DYNC1LI2: variants seen among roughly 807,000 people sequenced by gnomAD.
The protein encoded by DYNC1LI2 is cytoplasmic dynein 1 light intermediate chain 2.
A neutral mutation model predicts 57.8 loss-of-function variants in DYNC1LI2; 19 were observed. The observed-to-expected ratio is 0.33, with a 90% confidence interval of 0.23 to 0.48. The LOEUF (loss-of-function observed/expected upper bound fraction) is 0.48, where lower values mean the gene tolerates loss of function less well. Among genes scored for constraint, DYNC1LI2 ranks in the 20% least tolerant of loss-of-function variants. The probability of loss-of-function intolerance (pLI) is 0.99; values close to 1 mark genes in which losing one functional copy is unlikely to be tolerated. For synonymous variants in DYNC1LI2, 256 were observed against 233.4 expected (o/e 1.10, Z -0.88); for missense variants, 470 against 604.2 (o/e 0.78, Z 2.33).
intron 12 of DYNC1LI2, among the ~76,000 whole-genome samples, chr16:66,725,169 C>T (rs1229015167): frequency 7.9e-6 from 1 of 126,594 alleles, no homozygotes; most frequent in Non-Finnish European, 1.6e-5. Context: ...AGCAAGACTC[C>T]ATCTCTATCA....
chr16:66,749,423 T>A, intron 2 of DYNC1LI2, 110 bp from the exon 3 acceptor site: 1 of 1,080,304 alleles, frequency 9.3e-7, no homozygotes, highest in Non-Finnish European at 1.4e-6. Context: ...CAAAGTCTGC[T>A]GTTGAAGTCT....
intron 12 of DYNC1LI2, chr16:66,724,578 C>T (rs1369158615): frequency 6.6e-6 from 1 of 152,240 alleles, no homozygotes; most frequent in Non-Finnish European, 1.5e-5. Flanking sequence ...AAATGTCCTC[C>T]AGCTTCTTGG....
At position 66,730,120 on chromosome 16, in the gene DYNC1LI2, C is replaced by G. The variant is rs375885888; in HGVS notation, c.1033G>C (p.Val345Leu). 2.7e-5 allele frequency: 43 copies of G among 1,613,248 alleles called. No homozygotes were observed. The highest frequency in any genetic ancestry group is 7.6e-6 in the Non-Finnish European group (9 of 1,179,742). Residue 345 changes from valine (V) to leucine (L), a missense_variant, in exon 8 of 13, where the codon GTG (valine) becomes CTG (leucine). By Grantham distance (32) the Val-to-Leu change is conservative. Coordinates refer to ENST00000258198, the MANE Select transcript of DYNC1LI2 (RefSeq NM_006141.3). ...AYEDFIVKPP[V>L]RKLVHDKELA... ...CAATTGTCTTTGACTACCTTTCTCACGGGAGGTTTCACAATAAAGTCTTCA... is the reference window on the plus strand; with the variant it reads ...CAATTGTCTTTGACTACCTTTCTCAGGGGAGGTTTCACAATAAAGTCTTCA...
chr16:66,729,698 T>C (rs373517865), intron 8 of DYNC1LI2, among the ~76,000 whole-genome samples: 1 of 148,446 alleles, frequency 6.7e-6, no homozygotes, highest in African/African-American at 2.5e-5. Context: ...TGCCTCAGCC[T>C]CCCAACTGCT....
chr16:66,729,777 C>T (rs2017602638), intron 8 of DYNC1LI2, among the ~76,000 whole-genome samples: 1 of 151,334 alleles, frequency 6.6e-6, no homozygotes, highest in Non-Finnish European at 1.5e-5. Flanking sequence ...AACACCTAAA[C>T]CCTTTTTCTT....
chr16:66,751,568 C>T lies in DYNC1LI2; in HGVS notation c.24G>A (p.Lys8=), dbSNP rs1349292577. 8.8e-6 allele frequency: 14 copies of T among 1,581,948 alleles called. No individual in the cohort carries two copies. The highest frequency in any genetic ancestry group is 1.8e-5 in the Admixed American group (1 of 56,972). The change falls in exon 1 of 13, where the codon AAG becomes AAA. Residue 8 remains lysine (K), a synonymous_variant. Coordinates refer to ENST00000258198, the MANE Select transcript of DYNC1LI2 (RefSeq NM_006141.3). This position sits in a 1 kb window ranked among gnomAD's most constrained non-coding sequence, Gnocchi z 5.2. ...GCCCGTTGGGACCTAGCAGCAGCTT[C>T]TTCTCCACCCCCACCGGCGCCATCT... is the stretch of plus-strand genomic sequence containing the variant. MAPVGVE[K]KLLLGPNGPA...
Position 66,740,268 on chromosome 16 carries a change from A to G in DYNC1LI2, c.529+2170T>C, listed in dbSNP as rs1039347121. ...GGCCATGGAGCAGCTTTCCAAAATC[A>G]TAAGAATGGAGACTGGTGTTGGACT... On this transcript the variant is annotated intron_variant, in intron 4 of 12. Transcript: ENST00000258198. Among the ~76,000 whole-genome samples, 4 of 152,170 alleles carry G rather than the reference A, an allele frequency of 2.6e-5. 1 individual carries two copies. Among genetic ancestry groups the G allele is most frequent in the East Asian group, 3.8e-4 (2 of 5,196 alleles).
chr16:66,751,253 G>C lies in DYNC1LI2; in HGVS notation c.181+20C>G. ...GCCCACCCCAGCGACCTGGGGCAACGCCCCGCCGCCGGCGCTCACCGAAGA... is the reference window on the plus strand; with the variant it reads ...GCCCACCCCAGCGACCTGGGGCAACCCCCCGCCGCCGGCGCTCACCGAAGA... On this transcript the variant is annotated intron_variant, in intron 2 of 12. Coordinates refer to ENST00000258198, the MANE Select transcript of DYNC1LI2 (RefSeq NM_006141.3). This position sits in a 1 kb window ranked among gnomAD's most constrained non-coding sequence, Gnocchi z 5.2. 1 of 1,608,414 alleles carries C rather than the reference G, an allele frequency of 6.2e-7. No homozygotes were observed. The highest frequency in any genetic ancestry group is 8.5e-7 in the Non-Finnish European group (1 of 1,177,866).
chr16:66,741,676 G>GGCT (rs1473515220), intron 4 of DYNC1LI2, among the ~76,000 whole-genome samples: 1 of 151,952 alleles, frequency 6.6e-6, no homozygotes, highest in East Asian at 1.9e-4. Context: ...CGGCCAGGAC[G>GGCT]GCTGCTGCTG....
At position 66,734,330 on chromosome 16, in the gene DYNC1LI2, G is replaced by T. The variant is rs766573678; in HGVS notation, c.700-19C>A. On this transcript the variant is annotated intron_variant, in intron 5 of 12. Coordinates refer to ENST00000258198, the MANE Select transcript of DYNC1LI2 (RefSeq NM_006141.3). ...CATCACACTGCAGGGAAGACAGACA[G>T]AGTCACCTTTTTGCTTCATTGCCTG... 9.3e-6 allele frequency: 15 copies of T among 1,612,898 alleles called. 1 individual carries two copies. The highest frequency in any genetic ancestry group is 6.7e-5 in the East Asian group (3 of 44,884).
rs1036423176 is a variant in DYNC1LI2 at position 66,742,811 on chromosome 16, A to G, written c.299-143T>C. The G allele has an allele frequency of 5.9e-6, 5 of 847,828 alleles. No individual in the cohort carries two copies. In the Admixed American group the frequency reaches 1.3e-4, roughly 22 times the overall value. 52.5% of individuals were successfully genotyped at this position (847,828 alleles called of 1,614,324 possible). On this transcript the variant is annotated intron_variant, in intron 3 of 12. Transcript: ENST00000258198. ...CAAAATTTGGAAATCCAAACCAAAAAGTGCCCAAGTGCTCAGGAGACAGCA... is the reference window on the plus strand; with the variant it reads ...CAAAATTTGGAAATCCAAACCAAAAGGTGCCCAAGTGCTCAGGAGACAGCA...
chr16:66,739,801 A>C (rs1228191296), intron 4 of DYNC1LI2, among the ~76,000 whole-genome samples: 1 of 152,266 alleles, frequency 6.6e-6, no homozygotes, highest in African/African-American at 2.4e-5. Context: ...CAGTATTAAA[A>C]AGAGGAAGGA....
rs1452704089 is a variant in DYNC1LI2 at position 66,723,655 on chromosome 16, T to C, written c.*67A>G. 7.0e-7 allele frequency: 1 copy of C among 1,422,918 alleles called. No individual in the cohort carries two copies. Among genetic ancestry groups the C allele is most frequent in the Non-Finnish European group, 9.6e-7 (1 of 1,045,632 alleles). 88.1% of individuals were successfully genotyped at this position (1,422,918 alleles called of 1,614,324 possible). On this transcript the variant is annotated 3_prime_UTR_variant, in exon 13 of 13. Transcript: ENST00000258198. ...GATAGCATGTGCCATATCAGAAAAA[T>C]CCTGGTCTTAGCAGATCAATATACA... is the stretch of plus-strand genomic sequence containing the variant.
At position 66,751,018 on chromosome 16, in the gene DYNC1LI2, A is replaced by T. The variant is rs775838264; in HGVS notation, c.181+255T>A. 1.3e-5 allele frequency among the ~76,000 whole-genome samples: 2 copies of T among 152,160 alleles called. No homozygotes were observed. The highest frequency in any genetic ancestry group is 4.8e-5 in the African/African-American group (2 of 41,442). On this transcript the variant is annotated intron_variant, in intron 2 of 12. Coordinates refer to ENST00000258198, the MANE Select transcript of DYNC1LI2 (RefSeq NM_006141.3). The surrounding 1 kb of genome is among the most constrained non-coding windows in gnomAD (Gnocchi z 5.2). ...AATTTGGTAACCGTCGAGGCAATGA[A>T]GGCATAGAGGGCCAAGTGACTGAAA...
At chr16:66,746,372 G>T (rs1412250539) in intron 3 of DYNC1LI2, among the ~76,000 whole-genome samples, 1 of 152,118 alleles carries the variant, frequency 6.6e-6, no homozygotes, top group Non-Finnish European at 1.5e-5. Flanking sequence ...CTCTACCTGG[G>T]TAACTGCTTG....
chr16:66,735,160 G>A (rs1297349521), intron 5 of DYNC1LI2, among the ~76,000 whole-genome samples: 1 of 147,016 alleles, frequency 6.8e-6, no homozygotes, highest in African/African-American at 2.5e-5. Flanking sequence ...ATGGAGTGCA[G>A]TGGCGCCATC....
chr16:66,732,260 T>G, intron 7 of DYNC1LI2, 79 bp downstream of exon 7: 2 of 1,535,540 alleles, frequency 1.3e-6, no homozygotes, highest in Non-Finnish European at 1.7e-6. Context: ...AGAAGGCACC[T>G]TCCTTGAAGG....
intron 4 of DYNC1LI2, among the ~76,000 whole-genome samples, chr16:66,741,622 G>A (rs1266972425): frequency 4.6e-5 from 7 of 152,156 alleles, no homozygotes; most frequent in Non-Finnish European, 8.8e-5. Flanking sequence ...CAGAGGGGGT[G>A]ATGTCATCCT....
chr16:66,736,825 T>A (rs1399676725), intron 4 of DYNC1LI2, among the ~76,000 whole-genome samples: 26 of 152,194 alleles, frequency 1.7e-4, no homozygotes, highest in Admixed American at 1.7e-3. Context: ...TTTTAAAAAA[T>A]ACTAAGGTTT....
Sources: gnomAD v4.1 joint callset for allele counts (sites outside exome capture counted in the v4.1 genomes callset) on GRCh38, gnomAD v4.1.1 for gene constraint, Gnocchi (gnomAD v3.1) non-coding constraint, MANE v1.5 for transcripts, NCBI Gene and HGNC (gene_info 2026-07-23, HGNC 2026-07-21) for gene names.